SPNS2: variants seen among roughly 807,000 people sequenced by gnomAD.
SPNS2 encodes sphingosine-1-phosphate transporter SPNS2.
In SPNS2, 37 loss-of-function variants were observed where a neutral mutation model predicts 57.6. That is an observed-to-expected ratio of 0.64 (90% CI 0.49 to 0.85). The LOEUF (loss-of-function observed/expected upper bound fraction) is 0.85. SPNS2 is among the 40% of genes least tolerant of loss of function. The pLI, the probability that SPNS2 is intolerant of heterozygous loss-of-function variation, is 0.00. For missense variants in SPNS2, 831 were observed against 779.1 expected, an observed-to-expected ratio of 1.07 and a Z score of -0.79; for synonymous variants, 440 against 346.9, an observed-to-expected ratio of 1.27 and a Z score of -2.98.
chr17:4,521,584 G>C (rs956454018), intron 2 of SPNS2, among the ~76,000 whole-genome samples: 1 of 152,266 alleles, frequency 6.6e-6, no homozygotes, highest in African/African-American at 2.4e-5. Context: ...GCTCAGGCCA[G>C]CTCATGAGAG....
chr17:4,500,177 A>T (rs1354677568), intron 1 of SPNS2, among the ~76,000 whole-genome samples: 3 of 152,184 alleles, frequency 2.0e-5, no homozygotes, highest in African/African-American at 7.2e-5. Context: ...CATCTCTGGG[A>T]ATCAGCCTTG....
chr17:4,532,030 C>G (rs533380937), intron 5 of SPNS2, among the ~76,000 whole-genome samples: 29 of 152,328 alleles, frequency 1.9e-4, no homozygotes, highest in African/African-American at 6.7e-4. Flanking sequence ...CGTGGGGAAC[C>G]TGCTCCAGGA....
intron 2 of SPNS2, among the ~76,000 whole-genome samples, chr17:4,515,229 G>A (rs539199407): frequency 1.6e-4 from 25 of 152,292 alleles, no homozygotes; most frequent in African/African-American, 6.0e-4. Flanking sequence ...GGCTGGAGGT[G>A]GACAAAGCAC....
rs762781527 is a variant in SPNS2 at position 4,536,094 on chromosome 17, C to T, written c.1363C>T (p.Arg455Trp). 38 of 1,611,856 alleles carry T rather than the reference C, an allele frequency of 2.4e-5. No homozygotes were observed. The highest frequency in any genetic ancestry group is 8.9e-5 in the East Asian group (4 of 44,870). Residue 455 changes from arginine (R) to tryptophan (W), a missense_variant, in exon 10 of 13, where the codon CGG (arginine) becomes TGG (tryptophan). Transcript: ENST00000329078. Reference sequence around the variant, plus strand: ...TCCGCAGTACGTGGTCATCCCCACGCGGCGCGCCACTGCCGTGGCCTTGCA... The same window carrying T: ...TCCGCAGTACGTGGTCATCCCCACGTGGCGCGCCACTGCCGTGGCCTTGCA... ...DILMYVVIPTRRATAVALQSF... is the reference protein window; with the variant it reads ...DILMYVVIPTWRATAVALQSF...
intron 6 of SPNS2, 143 bp downstream of exon 6, chr17:4,532,827 C>T: frequency 6.9e-6 from 10 of 1,456,228 alleles, no homozygotes; most frequent in Non-Finnish European, 9.2e-6. Flanking sequence ...ATTTTGGCCC[C>T]AGAATCGATT....
rs917303684 is a variant in SPNS2, at chr17:4,498,912, C to G, written c.-136C>G. 1.9e-5 allele frequency: 7 copies of G among 375,068 alleles called. No homozygotes were observed. Among genetic ancestry groups the G allele is most frequent in the African/African-American group, 2.2e-5 (1 of 44,998 alleles). 23.2% of individuals were successfully genotyped at this position (375,068 alleles called of 1,614,324 possible). A position where few individuals can be genotyped will look rare whatever the true frequency, so the allele number is the denominator to read the frequency against. ...AGCTGAGCGGTGGCAGCGCCGCAGC[C>G]GGGGCCGGAGCGCAGGAGCCGACGG... On this transcript the variant is annotated 5_prime_UTR_variant, in exon 1 of 13. Transcript: ENST00000329078.
chr17:4,526,977 C>A (rs1289251185), intron 3 of SPNS2, among the ~76,000 whole-genome samples: 1 of 152,200 alleles, frequency 6.6e-6, no homozygotes, highest in African/African-American at 2.4e-5. Context: ...CCTTGTCTTG[C>A]CCCTGGCCAG....
At chr17:4,525,031 C>T (rs1383304285) in intron 2 of SPNS2, 26 bp from the exon 3 acceptor site, 10 of 1,608,480 alleles carry the variant, frequency 6.2e-6, no homozygotes, top group African/African-American at 2.7e-5. Context: ...ACCTGGGCCC[C>T]CCCTCAAGCT....
At position 4,537,874 on chromosome 17, in the gene SPNS2, TCAA is replaced by T; in HGVS notation, c.*429_*431del. ...AAGCACGATCTGCAGCTTTGAAGAC[TCAA>T]CAGACCCTGGACCATACGGAGAGCA... On this transcript the variant is annotated 3_prime_UTR_variant, in exon 13 of 13. Transcript: ENST00000329078. 4.4e-6 allele frequency: 2 copies of T among 450,846 alleles called. No homozygotes were observed. Among genetic ancestry groups the T allele is most frequent in the Non-Finnish European group, 9.0e-6 (2 of 222,750 alleles). The allele number at this position is 450,846 out of a possible 1,614,324, so 27.9% of individuals were successfully genotyped here. A position where few individuals can be genotyped will look rare whatever the true frequency, so the allele number is the denominator to read the frequency against.
chr17:4,521,272 C>T (rs961058318), intron 2 of SPNS2, among the ~76,000 whole-genome samples: 5 of 152,214 alleles, frequency 3.3e-5, no homozygotes, highest in African/African-American at 1.2e-4. Flanking sequence ...AATTCCTCCT[C>T]CTCCCCCAAC....
chr17:4,535,417 G>A (rs985412907), intron 9 of SPNS2, among the ~76,000 whole-genome samples: 4 of 152,200 alleles, frequency 2.6e-5, no homozygotes, highest in Non-Finnish European at 5.9e-5. Context: ...AGCTTGATGG[G>A]AGGTGAGGAC....
At chr17:4,533,589 C>A in intron 8 of SPNS2, 157 bp downstream of exon 8, 1 of 1,018,532 alleles carries the variant, frequency 9.8e-7, no homozygotes, top group Admixed American at 2.3e-5. Context: ...TGGCCACACA[C>A]AGCCTGTCCA....
intron 5 of SPNS2, among the ~76,000 whole-genome samples, 191 bp from the exon 6 acceptor site, chr17:4,532,351 C>G (rs757521012): frequency 1.3e-5 from 2 of 152,194 alleles, no homozygotes; most frequent in Non-Finnish European, 2.9e-5. Flanking sequence ...CAGGCCATCT[C>G]AAGCCTCCAG....
chr17:4,522,310 G>C (rs1438504608), intron 2 of SPNS2, among the ~76,000 whole-genome samples: 1 of 152,224 alleles, frequency 6.6e-6, no homozygotes, highest in Non-Finnish European at 1.5e-5. Flanking sequence ...GAATGGCTGT[G>C]GCCTGACTGA....
intron 1 of SPNS2, among the ~76,000 whole-genome samples, chr17:4,505,881 T>C (rs1386431373): frequency 6.6e-6 from 1 of 152,184 alleles, no homozygotes; most frequent in African/African-American, 2.4e-5. Context: ...CTCCCACTCC[T>C]AGAGCCACGA....
Position 4,533,773 on chromosome 17 carries a change from C to G in SPNS2, c.1279-15C>G, listed in dbSNP as rs778354217. On this transcript the variant is annotated splice_polypyrimidine_tract_variant and intron_variant, in intron 8 of 12. Coordinates refer to ENST00000329078, the MANE Select transcript of SPNS2 (RefSeq NM_001124758.3). ...GGAGGGACCGCTGATGGTGGCTTTG[C>G]CTTCTCCCCGGCAGATCTGTATCTT... 7 of 1,613,428 alleles carry G rather than the reference C, an allele frequency of 4.3e-6. No homozygotes were observed. In the East Asian group the frequency reaches 1.1e-4, roughly 26 times the overall value.
chr17:4,519,222 G>A (rs113859497), intron 2 of SPNS2, among the ~76,000 whole-genome samples: 1,866 of 152,358 alleles, frequency 0.012, 31 homozygotes, highest in African/African-American at 0.042. Flanking sequence ...GCTGAATGCA[G>A]GCTCCAAGGC....
In SPNS2 at chr17:4,512,669, T is replaced by TGC. The variant is rs1268271698; in HGVS notation, c.371-572_371-571dup. On this transcript the variant is annotated intron_variant, in intron 1 of 12. Coordinates refer to ENST00000329078, the MANE Select transcript of SPNS2 (RefSeq NM_001124758.3). This position sits in a 1 kb window ranked among gnomAD's most constrained non-coding sequence, Gnocchi z 5.2. Reference sequence around the variant, plus strand: ...GCGTGCGCGCGCACGGGTATGTGTGTGCGCGCGTGGGTGTGTATGCATGTG... The same window carrying TGC: ...GCGTGCGCGCGCACGGGTATGTGTGTGCGCGCGCGTGGGTGTGTATGCATGTG... 2.7e-5 allele frequency among the ~76,000 whole-genome samples: 4 copies of TGC among 147,952 alleles called. No individual in the cohort carries two copies. Among genetic ancestry groups the TGC allele is most frequent in the Admixed American group, 2.0e-4 (3 of 15,094 alleles).
intron 3 of SPNS2, among the ~76,000 whole-genome samples, chr17:4,528,504 C>A (rs1233899536): frequency 6.6e-6 from 1 of 152,042 alleles, no homozygotes; most frequent in Non-Finnish European, 1.5e-5. Context: ...GCTCTTTCAC[C>A]CAGGCTGGAG....
Sources: allele counts gnomAD v4.1 joint callset (sites outside exome capture counted in the v4.1 genomes callset), GRCh38; gene constraint gnomAD v4.1.1; non-coding constraint Gnocchi (gnomAD v3.1); transcripts MANE v1.5; gene names NCBI Gene and HGNC (gene_info 2026-07-23, HGNC 2026-07-21).